MYO1D: variants seen among roughly 807,000 people sequenced by gnomAD.
MYO1D encodes myosin ID.
A neutral mutation model predicts 122.0 loss-of-function variants in MYO1D; 83 were observed. That is an observed-to-expected ratio of 0.68 (90% confidence interval 0.57 to 0.82). MYO1D has a LOEUF of 0.82. Ranked by LOEUF, MYO1D falls within the 40% of genes least tolerant of loss-of-function variation. The pLI, the probability that MYO1D is intolerant of heterozygous loss-of-function variation, is 0.00. For missense variants in MYO1D, 1,157 were observed against 1,269.5 expected (o/e 0.91, Z 1.35); for synonymous variants, 464 against 446.9 (o/e 1.04, Z -0.48).
intron 20 of MYO1D, among the ~76,000 whole-genome samples, chr17:32,619,800 A>T (rs546389623): frequency 3.7e-4 from 56 of 152,218 alleles, no homozygotes; most frequent in South Asian, 1.9e-3. Flanking sequence ...CTTTAATTGA[A>T]TTTTTTTGAC....
At chr17:32,699,254 C>T (rs578092156) in intron 16 of MYO1D, among the ~76,000 whole-genome samples, 6 of 152,254 alleles carry the variant, frequency 3.9e-5, no homozygotes, top group Admixed American at 6.5e-5. Flanking sequence ...CATGATCCAC[C>T]GTGCCCAGCC....
intron 14 of MYO1D, among the ~76,000 whole-genome samples, chr17:32,724,452 G>A (rs1209200760): frequency 1.3e-5 from 2 of 152,090 alleles, no homozygotes; most frequent in Middle Eastern, 3.4e-3. Flanking sequence ...TAAACAAAAC[G>A]TTTGCCAGAA....
In MYO1D at chr17:32,571,383, C is replaced by G. The variant is rs182413521; in HGVS notation, c.2864+33704G>C. 5.9e-5 allele frequency among the ~76,000 whole-genome samples: 9 copies of G among 152,316 alleles called. No homozygotes were observed. The Middle Eastern group carries it at 0.01, about 173-fold the overall frequency. ...AGTTTCCAAGCATCTGTTCCTGCTG[C>G]TGCCTTTCTTCTGCTCCCCTGGGCT... On this transcript the variant is annotated intron_variant, in intron 21 of 21. Transcript: ENST00000318217.
chr17:32,521,188 C>T (rs1007692671), intron 21 of MYO1D, among the ~76,000 whole-genome samples: 1 of 152,154 alleles, frequency 6.6e-6, no homozygotes, highest in Non-Finnish European at 1.5e-5. Context: ...TTCCTAAAGA[C>T]CCCTCCCTCA....
intron 16 of MYO1D, among the ~76,000 whole-genome samples, chr17:32,663,619 G>T (rs79549008): frequency 0.033 from 5,061 of 152,168 alleles, 271 homozygotes; most frequent in African/African-American, 0.11. Flanking sequence ...TGCTTGCAGA[G>T]GCTTTCCTCA....
Position 32,876,839 on chromosome 17 carries a change from C to A in MYO1D, c.34G>T (p.Ala12Ser). 6.6e-7 allele frequency: 1 copy of A among 1,519,982 alleles called. No individual in the cohort carries two copies. The highest frequency in any genetic ancestry group is 8.8e-7 in the Non-Finnish European group (1 of 1,133,876). The allele number at this position is 1,519,982 out of a possible 1,614,324, so 94.2% of individuals were successfully genotyped here. The change falls in exon 1 of 22, where the codon GCA (alanine) becomes TCA (serine). Residue 12 changes from alanine to serine, a missense_variant. Transcript: ENST00000318217. ...AEQESLEFGK[A>S]DFVLMDTVSM... The stretch of plus-strand genomic sequence containing the variant: ...ACGGTGTCCATCAGCACGAAGTCTG[C>A]CTTGCCGAATTCCAGGCTCTCCTGC...
intron 16 of MYO1D, among the ~76,000 whole-genome samples, chr17:32,678,624 T>A (rs1355760999): frequency 6.6e-6 from 1 of 151,458 alleles, no homozygotes; most frequent in African/African-American, 2.4e-5. Context: ...TTCCATGGTG[T>A]ATATATGCCA....
At chr17:32,585,342 A>G (rs1212105758) in intron 21 of MYO1D, among the ~76,000 whole-genome samples, 1 of 152,226 alleles carries the variant, frequency 6.6e-6, no homozygotes, top group East Asian at 1.9e-4. Context: ...TTTAGTAATG[A>G]TTCTGTCTTA....
At chr17:32,775,012 C>A (rs1040341883) in intron 4 of MYO1D, among the ~76,000 whole-genome samples, 1 of 152,110 alleles carries the variant, frequency 6.6e-6, no homozygotes, top group Admixed American at 6.5e-5. Flanking sequence ...TTAGTTAAGA[C>A]ACAACCAGCT....
chr17:32,787,113 A>T (rs902692844), intron 1 of MYO1D, among the ~76,000 whole-genome samples: 7 of 152,202 alleles, frequency 4.6e-5, no homozygotes, highest in Admixed American at 4.6e-4. Context: ...ATAAAAAGCT[A>T]GAAGAGCTCA....
At chr17:32,582,729 C>T (rs117508013) in intron 21 of MYO1D, among the ~76,000 whole-genome samples, 2,388 of 152,236 alleles carry the variant, frequency 0.016, 36 homozygotes, top group South Asian at 0.027. Flanking sequence ...CTTGTTCTAT[C>T]AATTATGGAG....
At chr17:32,658,204 T>C (rs1471567871) in intron 17 of MYO1D, among the ~76,000 whole-genome samples, 1 of 152,204 alleles carries the variant, frequency 6.6e-6, no homozygotes, top group South Asian at 2.1e-4. Context: ...TTCTTTATCT[T>C]TTGATACCTT....
At chr17:32,777,246 T>C (rs2090182007) in intron 3 of MYO1D, among the ~76,000 whole-genome samples, 1 of 152,106 alleles carries the variant, frequency 6.6e-6, no homozygotes, top group South Asian at 2.1e-4. Flanking sequence ...GAAAAATGCC[T>C]CTCCTGGCCC....
In MYO1D at chr17:32,755,720, C is replaced by A. The variant is rs2089940959; in HGVS notation, c.1297-58G>T. On this transcript the variant is annotated intron_variant, in intron 10 of 21. Transcript: ENST00000318217. ...AGAACAGTGACCAGGCCAGGTTAAA[C>A]CCTGATGCTCCCATTTGTATCAGGA... is the stretch of plus-strand genomic sequence containing the variant. 2.7e-6 allele frequency: 4 copies of A among 1,459,238 alleles called. No individual in the cohort carries two copies. The South Asian group carries it at 3.8e-5, about 14-fold the overall frequency. 90.4% of individuals were successfully genotyped at this position (1,459,238 alleles called of 1,614,324 possible).
chr17:32,706,341 C>A (rs2089308400), intron 16 of MYO1D, among the ~76,000 whole-genome samples: 1 of 152,142 alleles, frequency 6.6e-6, no homozygotes, highest in Admixed American at 6.5e-5. Context: ...CTCCTGGCCT[C>A]AAGTGATCTG....
At chr17:32,524,074 A>T (rs1430165875) in intron 21 of MYO1D, among the ~76,000 whole-genome samples, 1 of 152,248 alleles carries the variant, frequency 6.6e-6, no homozygotes, top group Non-Finnish European at 1.5e-5. Flanking sequence ...ATTGCCACAG[A>T]GCTGCTACAA....
chr17:32,683,855 G>A (rs1351355269), intron 16 of MYO1D, among the ~76,000 whole-genome samples: 3 of 151,918 alleles, frequency 2.0e-5, no homozygotes, highest in Middle Eastern at 3.4e-3. Flanking sequence ...CCTCGTTGCC[G>A]CCTTGCAGTT....
chr17:32,876,941 C>T lies in MYO1D; in HGVS notation c.-69G>A. On this transcript the variant is annotated 5_prime_UTR_variant, in exon 1 of 22. Transcript: ENST00000318217. ...GGCCGCTCCGTGGGCCCGCGATGAG[C>T]TCGGGAGGGGCCGGGGCGAGGCCGC... is the stretch of plus-strand genomic sequence containing the variant. 1.0e-6 allele frequency: 1 copy of T among 980,626 alleles called. No homozygotes were observed. The highest frequency in any genetic ancestry group is 1.7e-5 in the African/African-American group (1 of 57,942). The allele number at this position is 980,626 out of a possible 1,614,324, so 60.7% of individuals were successfully genotyped here.
chr17:32,613,667 G>A (rs941903872), intron 20 of MYO1D, among the ~76,000 whole-genome samples: 4 of 151,656 alleles, frequency 2.6e-5, no homozygotes, highest in Admixed American at 1.3e-4. Context: ...CCAGCTACTC[G>A]GGGGGCTGAG....
Sources: gnomAD v4.1 joint callset for allele counts (sites outside exome capture counted in the v4.1 genomes callset) on GRCh38, gnomAD v4.1.1 for gene constraint, MANE v1.5 for transcripts, NCBI Gene and HGNC (gene_info 2026-07-23, HGNC 2026-07-21) for gene names.